Variants in CPEB1 observed in about 807,000 individuals in gnomAD.
CPEB1 encodes the protein cytoplasmic polyadenylation element binding protein 1, also known as cytoplasmic polyadenylation element-binding protein 1.
A neutral mutation model predicts 65.8 loss-of-function variants in CPEB1; 7 were observed. The ratio of observed to expected loss-of-function variants is 0.11; its 90% confidence interval spans 0.06 to 0.20. The LOEUF is 0.20. Among genes scored for constraint, CPEB1 ranks in the 10% least tolerant of loss-of-function variants. CPEB1 has a pLI of 1.00. For missense variants in CPEB1, 551 were observed against 712.2 expected, an observed-to-expected ratio of 0.77 and a Z score of 2.58; for synonymous variants, 262 against 260.0, an observed-to-expected ratio of 1.01 and a Z score of -0.08.
At chr15:82,627,791 T>C (rs1280401476) in intron 2 of CPEB1, among the ~76,000 whole-genome samples, 1 of 152,216 alleles carries the variant, frequency 6.6e-6, no homozygotes, top group South Asian at 2.1e-4. Context: ...AGAACTCTTT[T>C]TCAGAATTGG....
At chr15:82,612,832 T>C (rs1315285277) in intron 3 of CPEB1, among the ~76,000 whole-genome samples, 2 of 145,486 alleles carry the variant, frequency 1.4e-5, no homozygotes, top group Non-Finnish European at 3.0e-5. Flanking sequence ...AGACTCTGTC[T>C]CAAAAAAAAG....
At chr15:82,570,244 G>A (rs558703142) in intron 4 of CPEB1, among the ~76,000 whole-genome samples, 2 of 152,136 alleles carry the variant, frequency 1.3e-5, no homozygotes, top group South Asian at 2.1e-4. Flanking sequence ...GCGCCAAACA[G>A]GGTGGAGGCC....
intron 3 of CPEB1, among the ~76,000 whole-genome samples, chr15:82,576,390 TG>T (rs2040648743): frequency 6.6e-6 from 1 of 152,212 alleles, no homozygotes; most frequent in South Asian, 2.1e-4. Context: ...TCAGTCAGAA[TG>T]GATCTAATGA....
chr15:82,611,303 G>T (rs1202052779), intron 3 of CPEB1, among the ~76,000 whole-genome samples: 6 of 151,968 alleles, frequency 3.9e-5, no homozygotes, highest in African/African-American at 1.5e-4. Flanking sequence ...TGAACAATCT[G>T]AAAATAAAAT....
intron 1 of CPEB1, chr15:82,638,079 G>A (rs1026241008): frequency 2.6e-6 from 1 of 390,786 alleles, no homozygotes; most frequent in African/African-American, 2.1e-5. Flanking sequence ...GTGTTGTCAT[G>A]TGTTATTCTG....
intron 3 of CPEB1, among the ~76,000 whole-genome samples, chr15:82,615,111 A>G (rs887838146): frequency 2.0e-5 from 3 of 152,144 alleles, no homozygotes; most frequent in African/African-American, 7.2e-5. Flanking sequence ...ACAGCAAGTA[A>G]GTAGCACGAC....
intron 4 of CPEB1, among the ~76,000 whole-genome samples, chr15:82,569,977 C>T (rs181153083): frequency 3.9e-5 from 6 of 152,252 alleles, no homozygotes; most frequent in African/African-American, 1.4e-4. Context: ...ACAGTGATAC[C>T]ATACTTCCTT....
At chr15:82,602,176 G>A (rs1361049613) in intron 3 of CPEB1, among the ~76,000 whole-genome samples, 1 of 152,112 alleles carries the variant, frequency 6.6e-6, no homozygotes, top group Non-Finnish European at 1.5e-5. Flanking sequence ...GACCATAGTG[G>A]AATTAAGATA....
intron 1 of CPEB1, among the ~76,000 whole-genome samples, chr15:82,643,631 A>C (rs1232186824): frequency 6.7e-6 from 1 of 148,982 alleles, no homozygotes; most frequent in Non-Finnish European, 1.5e-5. Flanking sequence ...TCTCAAAAAA[A>C]AAAAATCCTT....
chr15:82,552,392 G>A (rs191827557), intron 9 of CPEB1, 88 bp downstream of exon 9: 2 of 1,340,302 alleles, frequency 1.5e-6, no homozygotes, highest in Admixed American at 5.4e-5. Context: ...CTCCTTGCCT[G>A]CAGCCTGCCT....
At chr15:82,638,408 C>T (rs1009142498) in intron 1 of CPEB1, among the ~76,000 whole-genome samples, 2 of 152,278 alleles carry the variant, frequency 1.3e-5, no homozygotes, top group Non-Finnish European at 2.9e-5. Flanking sequence ...AATAGTACCA[C>T]CAATCTCACC....
chr15:82,556,290 T>G, intron 5 of CPEB1, 168 bp from the exon 6 acceptor site: 1 of 706,026 alleles, frequency 1.4e-6, no homozygotes, highest in Non-Finnish European at 2.2e-6. Flanking sequence ...ATACTATAAT[T>G]TAAACAAATG....
In CPEB1 at chr15:82,645,868, AAAATAAAT is replaced by A. The variant is rs34934987; in HGVS notation, c.-98+1261_-98+1268del. 7.2e-3 allele frequency among the ~76,000 whole-genome samples: 1,076 copies of A among 149,568 alleles called. 13 individuals are homozygous for A. Among genetic ancestry groups the A allele is most frequent in the African/African-American group, 0.025 (1,032 of 40,802 alleles). Reference sequence around the variant, plus strand: ...GGGTGACAGGGCAAGACTCCCTCTCAAAATAAATAAATAAATAAATAAATATTAAAAAA... The same window carrying A: ...GGGTGACAGGGCAAGACTCCCTCTCAAAATAAATAAATAAATATTAAAAAA... On this transcript the variant is annotated intron_variant, in intron 1 of 12. Transcript: ENST00000684509.
chr15:82,566,594 A>G (rs2039162881), intron 4 of CPEB1, among the ~76,000 whole-genome samples: 1 of 152,320 alleles, frequency 6.6e-6, no homozygotes, highest in East Asian at 1.9e-4. Context: ...TGACAAACAC[A>G]GCCCTTCTCC....
intron 3 of CPEB1, among the ~76,000 whole-genome samples, chr15:82,611,736 CGAT>C (rs1283705206): frequency 2.6e-5 from 4 of 151,328 alleles, no homozygotes; most frequent in Admixed American, 1.3e-4. Flanking sequence ...AACAAAAACA[CGAT>C]GATCTAATAA....
rs571781467 is a variant in CPEB1 at position 82,571,603 on chromosome 15, ATAT to A, written c.272-74_272-72del. On this transcript the variant is annotated intron_variant, in intron 3 of 12. Transcript: ENST00000684509. ...TTTTCCCCAATATTATCAACAGTAA[ATAT>A]TATTAATAATAGTTTCCCCAGGCTC... 1.4e-4 allele frequency: 221 copies of A among 1,529,954 alleles called. 3 individuals are homozygous for A. The South Asian group carries it at 2.7e-3, about 19-fold the overall frequency. The allele number at this position is 1,529,954 out of a possible 1,614,324, so 94.8% of individuals were successfully genotyped here.
chr15:82,555,985 G>T lies in CPEB1; in HGVS notation c.825C>A (p.Thr275=). Residue 275 remains threonine, a synonymous_variant, in exon 6 of 13, where the codon ACC becomes ACA. Coordinates refer to ENST00000684509, the MANE Select transcript of CPEB1 (RefSeq NM_001365242.1). ...CTCCTGGCCATCTCTTTGAAGCACT[G>T]GTTGGGGAGGGAGTGACTGCAGCAA... is the stretch of plus-strand genomic sequence containing the variant. ...AALAAVTPSP[T]SASKRWPGAS... is the part of the protein sequence containing the mutation. 1 of 1,613,846 alleles carries T rather than the reference G, an allele frequency of 6.2e-7. No individual in the cohort carries two copies.
rs201038056 is a variant in CPEB1 at position 82,642,441 on chromosome 15, G to A, written c.-98+4696C>T. On this transcript the variant is annotated intron_variant, in intron 1 of 12. Transcript: ENST00000684509. ...GAATGGCTGTAGTCCTAGCTACTTC[G>A]GAGGCTGAGGCTGAAGGATCCCTTA... Among the ~76,000 whole-genome samples, 27 of 152,264 alleles carry A rather than the reference G, an allele frequency of 1.8e-4. No individual in the cohort carries two copies. In the East Asian group the frequency reaches 2.7e-3, roughly 15 times the overall value.
chr15:82,582,443 T>G (rs1038599481), intron 3 of CPEB1, among the ~76,000 whole-genome samples: 3 of 152,154 alleles, frequency 2.0e-5, no homozygotes, highest in Admixed American at 6.6e-5. Context: ...CCTTGTCAAA[T>G]TCCTCGCCAT....
Sources: gnomAD v4.1 joint callset for allele counts (sites outside exome capture counted in the v4.1 genomes callset) on GRCh38, gnomAD v4.1.1 for gene constraint, MANE v1.5 for transcripts, NCBI Gene and HGNC (gene_info 2026-07-23, HGNC 2026-07-21) for gene names.